The following SLC25A27 variants were observed in gnomAD, a reference collection of about 807,000 sequenced individuals.
The protein encoded by SLC25A27 is mitochondrial uncoupling protein 4.
A neutral mutation model predicts 49.1 loss-of-function variants in SLC25A27; 35 were observed. The observed-to-expected ratio is 0.71, with a 90% CI of 0.54 to 0.95. The LOEUF (loss-of-function observed/expected upper bound fraction) is 0.95. SLC25A27 is among the 40% of genes least tolerant of loss of function. The pLI is 0.00. For missense variants in SLC25A27, 339 were observed against 397.1 expected (o/e 0.85, Z 1.24); for synonymous variants, 144 against 136.9 (o/e 1.05, Z -0.36).
At chr6:46,655,080 A>T (rs1762929445) in intron 1 of SLC25A27, among the ~76,000 whole-genome samples, 1 of 152,148 alleles carries the variant, frequency 6.6e-6, no homozygotes, top group Admixed American at 6.5e-5. Context: ...AAACCAAAAA[A>T]TTTTTCCAAA....
intron 2 of SLC25A27, among the ~76,000 whole-genome samples, chr6:46,656,487 A>G (rs1243946749): frequency 6.6e-6 from 1 of 152,232 alleles, no homozygotes; most frequent in South Asian, 2.1e-4. Flanking sequence ...CTAGGATTAC[A>G]GGCACATGCT....
intron 2 of SLC25A27, among the ~76,000 whole-genome samples, chr6:46,657,300 T>G (rs1763016181): frequency 6.6e-6 from 1 of 152,000 alleles, no homozygotes; most frequent in Admixed American, 6.5e-5. Flanking sequence ...CTGTCTCTAC[T>G]AAAAATACAA....
At chr6:46,659,102 A>C in intron 3 of SLC25A27, 56 bp downstream of exon 3, 1 of 1,127,474 alleles carries the variant, frequency 8.9e-7, no homozygotes, top group Non-Finnish European at 1.3e-6. Context: ...AATGTTTATT[A>C]GGTTTATGTA....
intron 4 of SLC25A27, among the ~76,000 whole-genome samples, chr6:46,663,033 T>A (rs904212368): frequency 2.0e-5 from 3 of 152,212 alleles, no homozygotes; most frequent in Non-Finnish European, 4.4e-5. Context: ...TCATTCCTCC[T>A]TCATCTTGAA....
Position 46,676,829 on chromosome 6 carries a change from T to G in SLC25A27, c.*375T>G. On this transcript the variant is annotated 3_prime_UTR_variant, in exon 9 of 9. Transcript: ENST00000371347. The stretch of plus-strand genomic sequence containing the variant: ...GGGAGCCAGCATTTCAGATCTGAAG[T>G]AGACGATAGGAATGTGGAAGAACAC... The G allele has an allele frequency of 1.4e-6, 1 of 701,458 alleles. No homozygotes were observed. The highest frequency in any genetic ancestry group is 2.5e-6 in the Non-Finnish European group (1 of 397,554). The allele number at this position is 701,458 out of a possible 1,614,324, so 43.5% of individuals were successfully genotyped here. A position where few individuals can be genotyped will look rare whatever the true frequency, so the allele number is the denominator to read the frequency against.
At chr6:46,655,571 T>G (rs1386009774) in intron 1 of SLC25A27, among the ~76,000 whole-genome samples, 1 of 128,346 alleles carries the variant, frequency 7.8e-6, no homozygotes, top group Non-Finnish European at 1.6e-5. Context: ...TTTTTTTTTT[T>G]TTGCTAGTGA....
chr6:46,653,051 C>A lies in SLC25A27; in HGVS notation c.-142C>A. ...CTGCTAGGAAGGTTGCGGGTCCACCCGGCCGAGCCGAACGAGGGAAATGGT... is the reference window on the plus strand; with the variant it reads ...CTGCTAGGAAGGTTGCGGGTCCACCAGGCCGAGCCGAACGAGGGAAATGGT... On this transcript the variant is annotated 5_prime_UTR_variant, in exon 1 of 9. Transcript: ENST00000371347. 3.9e-6 allele frequency: 3 copies of A among 767,770 alleles called. No homozygotes were observed. Among genetic ancestry groups the A allele is most frequent in the Non-Finnish European group, 6.4e-6 (3 of 470,004 alleles). 47.6% of individuals were successfully genotyped at this position (767,770 alleles called of 1,614,324 possible).
chr6:46,659,884 C>CAT (rs1003251179), intron 3 of SLC25A27, among the ~76,000 whole-genome samples: 134 of 148,558 alleles, frequency 9.0e-4, no homozygotes, highest in African/African-American at 1.9e-3. Flanking sequence ...TAAAAAATTG[C>CAT]ATATATATAT....
intron 8 of SLC25A27, 74 bp from the exon 9 acceptor site, chr6:46,676,307 AAT>A (rs1401015204): frequency 1.3e-5 from 17 of 1,334,160 alleles, no homozygotes; most frequent in Non-Finnish European, 1.7e-5. Flanking sequence ...TTGTCATTCA[AAT>A]ATATGTATGC....
chr6:46,673,765 G>T (rs1370940326), intron 8 of SLC25A27, among the ~76,000 whole-genome samples: 1 of 152,126 alleles, frequency 6.6e-6, no homozygotes, highest in Non-Finnish European at 1.5e-5. Context: ...TAGTTTAGAT[G>T]AACTCTATGG....
chr6:46,666,848 CA>C (rs1319333776), intron 5 of SLC25A27, among the ~76,000 whole-genome samples: 1 of 152,014 alleles, frequency 6.6e-6, no homozygotes, highest in Non-Finnish European at 1.5e-5. Flanking sequence ...GAAACTCAGG[CA>C]TGATTTTTGG....
At chr6:46,657,897 C>T (rs1763038654) in intron 2 of SLC25A27, among the ~76,000 whole-genome samples, 1 of 152,186 alleles carries the variant, frequency 6.6e-6, no homozygotes, top group South Asian at 2.1e-4. Context: ...GCCTTAGTCA[C>T]CCTTAAAGGA....
chr6:46,656,146 C>A, intron 2 of SLC25A27, 112 bp downstream of exon 2: 1 of 806,022 alleles, frequency 1.2e-6, no homozygotes, highest in Non-Finnish European at 2.0e-6. Context: ...GATACAATAA[C>A]TGAACACATA....
At chr6:46,667,512 T>C (rs528864094) in intron 5 of SLC25A27, among the ~76,000 whole-genome samples, 2 of 152,346 alleles carry the variant, frequency 1.3e-5, no homozygotes, top group East Asian at 3.9e-4. Flanking sequence ...ACTCTGCTAC[T>C]TCTTGCATAT....
At chr6:46,656,284 G>T (rs1470609356) in intron 2 of SLC25A27, among the ~76,000 whole-genome samples, 1 of 151,374 alleles carries the variant, frequency 6.6e-6, no homozygotes, top group Admixed American at 6.6e-5. Context: ...AGGTTCAAGC[G>T]ATTCTCCTGA....
rs1762806237 is a variant in SLC25A27, at chr6:46,653,044, G to A, written c.-149G>A. On this transcript the variant is annotated 5_prime_UTR_variant, in exon 1 of 9. Transcript: ENST00000371347. Reference sequence around the variant, plus strand: ...GCTGGGACTGCTAGGAAGGTTGCGGGTCCACCCGGCCGAGCCGAACGAGGG... The same window carrying A: ...GCTGGGACTGCTAGGAAGGTTGCGGATCCACCCGGCCGAGCCGAACGAGGG... 2.0e-5 allele frequency: 14 copies of A among 714,544 alleles called. No individual in the cohort carries two copies. Among genetic ancestry groups the A allele is most frequent in the Non-Finnish European group, 3.3e-5 (14 of 424,590 alleles). The allele number at this position is 714,544 out of a possible 1,614,324, so 44.3% of individuals were successfully genotyped here. A position where few individuals can be genotyped will look rare whatever the true frequency, so the allele number is the denominator to read the frequency against.
chr6:46,661,150 A>T (rs1407108327), intron 3 of SLC25A27, among the ~76,000 whole-genome samples: 3 of 152,270 alleles, frequency 2.0e-5, no homozygotes, highest in Non-Finnish European at 4.4e-5. Flanking sequence ...AAGAGTGGTT[A>T]TGAGAGATGC....
chr6:46,670,576 T>C (rs949775534), intron 7 of SLC25A27: 11 of 239,306 alleles, frequency 4.6e-5, no homozygotes, highest in African/African-American at 2.6e-4. Context: ...TATGAAATAG[T>C]ATGTTCTCCC....
intron 5 of SLC25A27, among the ~76,000 whole-genome samples, chr6:46,666,929 A>G (rs1356252641): frequency 6.6e-6 from 1 of 152,084 alleles, no homozygotes; most frequent in African/African-American, 2.4e-5. Context: ...CATCTTCCAG[A>G]TATATCTCAA....
Sources: allele counts gnomAD v4.1 joint callset (sites outside exome capture counted in the v4.1 genomes callset), GRCh38; gene constraint gnomAD v4.1.1; transcripts MANE v1.5; gene names NCBI Gene and HGNC (gene_info 2026-07-23, HGNC 2026-07-21).